Variants in MMP26 observed in about 807,000 individuals in gnomAD.
The protein encoded by MMP26 is matrix metalloproteinase-26.
A neutral mutation model predicts 31.0 loss-of-function variants in MMP26; 33 were observed. The observed-to-expected ratio is 1.06, with a 90% CI of 0.81 to 1.42. The LOEUF (loss-of-function observed/expected upper bound fraction) is 1.42, where lower values mean the gene tolerates loss of function less well. Ranked by LOEUF, MMP26 falls within the 40% of genes most tolerant of loss-of-function variation. MMP26 has a pLI of 0.00. For missense variants in MMP26, 347 were observed against 316.1 expected, an observed-to-expected ratio of 1.10 and a Z score of -0.74; for synonymous variants, 122 against 114.9, an observed-to-expected ratio of 1.06 and a Z score of -0.40.
chr11:4,761,507 A>G (rs1263834338), intron 1 of MMP26, among the ~76,000 whole-genome samples: 1 of 152,028 alleles, frequency 6.6e-6, no homozygotes, highest in African/African-American at 2.4e-5. Context: ...ATTCTGTTAC[A>G]CTGCACTTCT....
At chr11:4,732,201 G>T (rs1264627895) in intron 1 of MMP26, among the ~76,000 whole-genome samples, 1 of 151,894 alleles carries the variant, frequency 6.6e-6, no homozygotes, top group Non-Finnish European at 1.5e-5. Flanking sequence ...ACATATTTTG[G>T]GCTGCAGTTT....
At chr11:4,875,802 A>C (rs575624020) in intron 2 of MMP26, 2 of 152,268 alleles carry the variant, frequency 1.3e-5, no homozygotes, top group South Asian at 4.1e-4. Context: ...GATACGGATG[A>C]GGACATCTTT....
intron 2 of MMP26, among the ~76,000 whole-genome samples, chr11:4,790,331 A>G (rs1178086030): frequency 2.6e-5 from 4 of 152,226 alleles, no homozygotes; most frequent in Non-Finnish European, 5.9e-5. Context: ...CCTGGGCAAC[A>G]GAGTGAGACT....
chr11:4,905,300 G>A (rs1850866767), intron 2 of MMP26, among the ~76,000 whole-genome samples: 1 of 152,108 alleles, frequency 6.6e-6, no homozygotes, highest in Non-Finnish European at 1.5e-5. Flanking sequence ...TGCTCAAACT[G>A]TTCAAGGCCC....
intron 2 of MMP26, among the ~76,000 whole-genome samples, chr11:4,936,746 G>T (rs1846118773): frequency 1.3e-5 from 2 of 151,984 alleles, no homozygotes; most frequent in African/African-American, 4.8e-5. Context: ...TTTGTAATAT[G>T]GGCCACTAAA....
At chr11:4,727,790 C>G (rs1848122754) in intron 1 of MMP26, among the ~76,000 whole-genome samples, 2 of 152,156 alleles carry the variant, frequency 1.3e-5, no homozygotes, top group Non-Finnish European at 2.9e-5. Context: ...TCCTGGGCAA[C>G]AGAGCAAGAC....
chr11:4,923,828 C>G (rs1199808090), intron 2 of MMP26: 54 of 1,613,750 alleles, frequency 3.3e-5, no homozygotes, highest in Non-Finnish European at 4.4e-5. Flanking sequence ...ATGGGAGTGG[C>G]AGTATTGGAA....
At chr11:4,930,613 CAAAATAGACGTCTTTAATCAAAGTATTG>C (rs1851333570) in intron 2 of MMP26, among the ~76,000 whole-genome samples, 2 of 152,034 alleles carry the variant, frequency 1.3e-5, no homozygotes, top group African/African-American at 4.8e-5. Flanking sequence ...TTGCTCAAAA[CAAAATAGACGTCTTTAATCAAAGTATTG>C]AAAAGTTGGA....
At chr11:4,938,853 A>T (rs929869597) in intron 2 of MMP26, among the ~76,000 whole-genome samples, 3 of 152,060 alleles carry the variant, frequency 2.0e-5, no homozygotes, top group African/African-American at 4.8e-5. Context: ...AAAAATAAAA[A>T]AACCTTTAGA....
At chr11:4,796,125 C>T (rs1347271) in intron 2 of MMP26, among the ~76,000 whole-genome samples, 56,120 of 152,018 alleles carry the variant, frequency 0.37, 11,449 homozygotes, top group African/African-American at 0.52. Context: ...CTGCAGTTCC[C>T]GGGAAAAGTA....
intron 2 of MMP26, among the ~76,000 whole-genome samples, chr11:4,873,951 A>T (rs570500032): frequency 9.9e-5 from 15 of 152,222 alleles, no homozygotes; most frequent in African/African-American, 3.6e-4. Flanking sequence ...AGACAGAGAG[A>T]TACAGGTAAA....
chr11:4,859,705 G>A (rs111863577), intron 2 of MMP26: 387 of 470,636 alleles, frequency 8.2e-4, no homozygotes, highest in African/African-American at 7.2e-3. Flanking sequence ...TAGCACAGGC[G>A]GGAGCAGTAG....
At chr11:4,886,465 C>T (rs1850547157) in intron 2 of MMP26, among the ~76,000 whole-genome samples, 2 of 152,044 alleles carry the variant, frequency 1.3e-5, no homozygotes, top group South Asian at 4.2e-4. Context: ...TAGCCCAATG[C>T]CTAGTACCTG....
At chr11:4,892,638 T>C (rs1850641562) in intron 2 of MMP26, among the ~76,000 whole-genome samples, 1 of 152,212 alleles carries the variant, frequency 6.6e-6, no homozygotes, top group Admixed American at 6.6e-5. Context: ...ACTAAACTGA[T>C]CTTGAGAATT....
intron 2 of MMP26, chr11:4,882,197 T>C: frequency 6.2e-7 from 1 of 1,613,986 alleles, no homozygotes. Flanking sequence ...TAAAGCTTGC[T>C]TCATTCAAAT....
At chr11:4,986,435 C>A (rs1046250830) in intron 2 of MMP26, among the ~76,000 whole-genome samples, 1 of 150,720 alleles carries the variant, frequency 6.6e-6, no homozygotes, top group African/African-American at 2.4e-5. Flanking sequence ...ACAGCCAAGA[C>A]CTCCCAGGCT....
At chr11:4,819,163 T>C (rs1482466526) in intron 2 of MMP26, among the ~76,000 whole-genome samples, 2 of 152,288 alleles carry the variant, frequency 1.3e-5, no homozygotes. Context: ...GGTTTTCTTA[T>C]TTACCCATGA....
chr11:4,946,411 T>C (rs753654817), intron 2 of MMP26: 4 of 1,611,734 alleles, frequency 2.5e-6, no homozygotes, highest in Non-Finnish European at 3.4e-6. Context: ...CCTTTTTGGA[T>C]GCAATTCCCA....
intron 2 of MMP26, among the ~76,000 whole-genome samples, chr11:4,843,463 C>T (rs1849824237): frequency 6.6e-6 from 1 of 152,242 alleles, no homozygotes; most frequent in Non-Finnish European, 1.5e-5. Flanking sequence ...GCTGCTATGG[C>T]TTGGGACCTG....
Sources: allele counts gnomAD v4.1 joint callset (sites outside exome capture counted in the v4.1 genomes callset), GRCh38; gene constraint gnomAD v4.1.1; transcripts MANE v1.5; gene names NCBI Gene and HGNC (gene_info 2026-07-23, HGNC 2026-07-21).